The following TTC7A variants were observed in gnomAD, a reference collection of about 807,000 sequenced individuals.
The protein encoded by TTC7A is tetratricopeptide repeat protein 7A.
TTC7A carries 110 observed loss-of-function variants against 103.7 expected under a neutral mutation model. That is an observed-to-expected ratio of 1.06 (90% confidence interval 0.91 to 1.24). The LOEUF (loss-of-function observed/expected upper bound fraction) is 1.24. Ranked by LOEUF, TTC7A falls within the 50% of genes most tolerant of loss-of-function variation. The pLI, the probability that TTC7A is intolerant of heterozygous loss-of-function variation, is 0.00. For missense variants in TTC7A, 1,340 were observed against 1,116.3 expected, an observed-to-expected ratio of 1.20 and a Z score of -2.86; for synonymous variants, 521 against 467.9, an observed-to-expected ratio of 1.11 and a Z score of -1.47.
intron 18 of TTC7A, chr2:47,054,240 A>C (rs1683133498): frequency 1.1e-6 from 1 of 870,768 alleles, no homozygotes; most frequent in Admixed American, 7.0e-5. Flanking sequence ...GTGGGTGCTT[A>C]TTTCTTTCTC....
intron 19 of TTC7A, among the ~76,000 whole-genome samples, chr2:47,062,283 C>T (rs181495381): frequency 3.9e-5 from 6 of 152,306 alleles, no homozygotes; most frequent in Non-Finnish European, 8.8e-5. Flanking sequence ...AAAGGAAATA[C>T]AAAAGAAATT....
intron 11 of TTC7A, among the ~76,000 whole-genome samples, chr2:47,014,301 G>T (rs1678402171): frequency 6.6e-6 from 1 of 152,176 alleles, no homozygotes; most frequent in Non-Finnish European, 1.5e-5. Context: ...CAACCTGCCA[G>T]GAAGGGACCA....
intron 12 of TTC7A, among the ~76,000 whole-genome samples, chr2:47,022,851 C>G (rs1679447861): frequency 6.6e-6 from 1 of 152,206 alleles, no homozygotes; most frequent in Non-Finnish European, 1.5e-5. Flanking sequence ...GCTTTCGAAT[C>G]CGGGGAGCTC....
chr2:47,015,837 T>C (rs533314625), intron 11 of TTC7A, among the ~76,000 whole-genome samples: 10 of 152,298 alleles, frequency 6.6e-5, no homozygotes, highest in South Asian at 6.2e-4. Flanking sequence ...CCAGCCCTCC[T>C]GCCACCAGCT....
intron 4 of TTC7A, among the ~76,000 whole-genome samples, chr2:46,976,695 T>C (rs376367052): frequency 6.0e-4 from 92 of 152,236 alleles, no homozygotes; most frequent in African/African-American, 2.2e-3. Context: ...GCCGTGTATA[T>C]TATAGGATGT....
At chr2:47,072,496 T>A (rs1294768313) in intron 19 of TTC7A, among the ~76,000 whole-genome samples, 1 of 152,236 alleles carries the variant, frequency 6.6e-6, no homozygotes, top group East Asian at 1.9e-4. Context: ...GGCATGCGCA[T>A]CTTCCCCAGC....
Position 47,073,694 on chromosome 2 carries a change from G to T in TTC7A, c.2356-8G>T. 1 of 1,613,284 alleles carries T rather than the reference G, an allele frequency of 6.2e-7. No homozygotes were observed. Among genetic ancestry groups the T allele is most frequent in the Non-Finnish European group, 8.5e-7 (1 of 1,179,568 alleles). On this transcript the variant is annotated splice_polypyrimidine_tract_variant and splice_region_variant and intron_variant, in intron 19 of 19. Coordinates refer to ENST00000319190, the MANE Select transcript of TTC7A (RefSeq NM_020458.4). ...CCCTACTCACCCTGCCCTGTGCTTC[G>T]TCCACAGGGTCTGATGCTGAGTCGG...
At chr2:47,006,926 G>A (rs747043923) in intron 10 of TTC7A, among the ~76,000 whole-genome samples, 4 of 152,164 alleles carry the variant, frequency 2.6e-5, no homozygotes, top group South Asian at 2.1e-4. Flanking sequence ...TGAGTGTGCC[G>A]GTGTGCTGGT....
intron 19 of TTC7A, chr2:47,068,625 G>A (rs1281646206): frequency 6.6e-6 from 1 of 151,880 alleles, no homozygotes; most frequent in Non-Finnish European, 1.5e-5. Flanking sequence ...GTATGAGGGT[G>A]TGTCCCCCAG....
At position 46,974,997 on chromosome 2, in the gene TTC7A, A is replaced by C. The variant is rs780814086; in HGVS notation, c.542A>C (p.Asn181Thr). ...GGCCTCTCTCTGGAACGCCTACCCA[A>C]CTCCATCGCCTCCCGCTTCCGCCTG... Reference protein sequence around the residue: ...IKGLSLERLPNSIASRFRLTE... With the variant: ...IKGLSLERLPTSIASRFRLTE... The change falls in exon 4 of 20, where the codon AAC becomes ACC. Residue 181 changes from asparagine (N) to threonine (T), a missense_variant. Coordinates refer to ENST00000319190, the MANE Select transcript of TTC7A (RefSeq NM_020458.4). The C allele has an allele frequency of 1.9e-5, 31 of 1,613,640 alleles. No homozygotes were observed. The highest frequency in any genetic ancestry group is 2.3e-5 in the Non-Finnish European group (27 of 1,179,858).
intron 14 of TTC7A, among the ~76,000 whole-genome samples, chr2:47,026,230 G>A (rs775526755): frequency 6.6e-6 from 1 of 152,174 alleles, no homozygotes; most frequent in Non-Finnish European, 1.5e-5. Context: ...CTGGCTGGCC[G>A]GCACAGTGAT....
rs142208114 is a variant in TTC7A at position 47,038,070 on chromosome 2, G to C, written c.1803-8245G>C. On this transcript the variant is annotated intron_variant, in intron 15 of 19. Transcript: ENST00000319190. Reference sequence around the variant, plus strand: ...GTTTGAGACCAGCCTGACCAACATAGTGAAACCCCATCTGTACTAAAAATA... The same window carrying C: ...GTTTGAGACCAGCCTGACCAACATACTGAAACCCCATCTGTACTAAAAATA... 2.4e-3 allele frequency among the ~76,000 whole-genome samples: 367 copies of C among 152,096 alleles called. 7 individuals are homozygous for C. In the East Asian group the frequency reaches 0.039, roughly 16 times the overall value.
chr2:47,068,058 G>A (rs1684326897), intron 19 of TTC7A: 1 of 152,556 alleles, frequency 6.6e-6, no homozygotes, highest in South Asian at 2.1e-4. Flanking sequence ...GGGGGAGAAT[G>A]AGCTGAGGGA....
chr2:46,941,794 C>T lies in TTC7A; in HGVS notation c.184+69C>T, dbSNP rs1344880457. ...AACGCACCGCCTCCTCCAGGAAGCG[C>T]GCCCAGACAGTCCTCGGCCGACAGC... On this transcript the variant is annotated intron_variant, in intron 1 of 19. Coordinates refer to ENST00000319190, the MANE Select transcript of TTC7A (RefSeq NM_020458.4). This position sits in a 1 kb window ranked among gnomAD's most constrained non-coding sequence, Gnocchi z 4.2. 4.6e-6 allele frequency: 7 copies of T among 1,534,712 alleles called. No homozygotes were observed. The highest frequency in any genetic ancestry group is 5.3e-6 in the Non-Finnish European group (6 of 1,136,194).
At chr2:47,024,831 T>C (rs1397304132) in intron 14 of TTC7A, among the ~76,000 whole-genome samples, 1 of 152,150 alleles carries the variant, frequency 6.6e-6, no homozygotes, top group Non-Finnish European at 1.5e-5. Flanking sequence ...TCCTGTCTGC[T>C]GACTACCTTA....
At chr2:46,995,839 T>C (rs1312541738) in intron 8 of TTC7A, among the ~76,000 whole-genome samples, 4 of 152,200 alleles carry the variant, frequency 2.6e-5, no homozygotes, top group African/African-American at 9.7e-5. Flanking sequence ...CTCGTGGAGC[T>C]TACATTCTAG....
Position 46,957,003 on chromosome 2 carries a change from C to T in TTC7A, c.513C>T (p.Ile171=), listed in dbSNP as rs1671926382. The part of the protein sequence containing the change: ...QMRLLSEAFV[I]KGLSLERLPN... The stretch of plus-strand genomic sequence containing the variant: ...GGCTGCTGTCGGAGGCTTTTGTCAT[C>T]AAAGGTAGCTGTGGGCACCAGCCTG... The change falls in exon 3 of 20, where the codon ATC becomes ATT. Residue 171 remains isoleucine, a synonymous_variant. Coordinates refer to ENST00000319190, the MANE Select transcript of TTC7A (RefSeq NM_020458.4). 6.2e-7 allele frequency: 1 copy of T among 1,614,134 alleles called. No individual in the cohort carries two copies. Among genetic ancestry groups the T allele is most frequent in the Non-Finnish European group, 8.5e-7 (1 of 1,180,002 alleles).
intron 18 of TTC7A, among the ~76,000 whole-genome samples, chr2:47,056,027 G>A (rs971022131): frequency 1.3e-5 from 2 of 152,058 alleles, no homozygotes; most frequent in Admixed American, 6.5e-5. Flanking sequence ...CCAGCTTCCC[G>A]AGTCAGCGAG....
At chr2:47,057,936 C>T (rs1683450876) in intron 18 of TTC7A, among the ~76,000 whole-genome samples, 1 of 152,150 alleles carries the variant, frequency 6.6e-6, no homozygotes, top group Admixed American at 6.5e-5. Flanking sequence ...GGCTCAGCTG[C>T]TCCCACTCCT....
Sources: gnomAD v4.1 joint callset for allele counts (sites outside exome capture counted in the v4.1 genomes callset) on GRCh38, gnomAD v4.1.1 for gene constraint, Gnocchi (gnomAD v3.1) non-coding constraint, MANE v1.5 for transcripts, NCBI Gene and HGNC (gene_info 2026-07-23, HGNC 2026-07-21) for gene names.